The following CRTAC1 variants were observed in gnomAD, a reference collection of about 807,000 sequenced individuals.
CRTAC1 encodes the protein cartilage acidic protein 1.
Under a neutral mutation model 67.8 loss-of-function variants are expected in CRTAC1, and 37 were observed. The observed-to-expected ratio is 0.55, with a 90% CI of 0.42 to 0.72. The LOEUF (loss-of-function observed/expected upper bound fraction) is 0.72, where lower values mean the gene tolerates loss of function less well. CRTAC1 is among the 30% of genes least tolerant of loss of function. The pLI is 0.00. For missense variants in CRTAC1, 780 were observed against 931.6 expected, an observed-to-expected ratio of 0.84 and a Z score of 2.12; for synonymous variants, 348 against 371.0, an observed-to-expected ratio of 0.94 and a Z score of 0.71.
chr10:97,983,987 G>A (rs934755965), intron 2 of CRTAC1, among the ~76,000 whole-genome samples: 1 of 152,248 alleles, frequency 6.6e-6, no homozygotes, highest in African/African-American at 2.4e-5. Context: ...GCTTTAACCA[G>A]AGGTTTGCCA....
intron 2 of CRTAC1, among the ~76,000 whole-genome samples, chr10:98,002,850 TTCACTGCAAGCTCCGC>T (rs1263901776): frequency 7.2e-6 from 1 of 139,660 alleles, no homozygotes; most frequent in Non-Finnish European, 1.5e-5. Flanking sequence ...GCAATCTCCG[TTCACTGCAAGCTCCGC>T]CTCCCGGGTT....
rs780537531 is a variant in CRTAC1 at position 98,011,320 on chromosome 10, C to G, written c.42G>C (p.Pro14=). 3.1e-6 allele frequency: 5 copies of G among 1,613,826 alleles called. No individual in the cohort carries two copies. The African/African-American group carries it at 6.7e-5, about 22-fold the overall frequency. The change falls in exon 2 of 15, where the codon CCG becomes CCC. Residue 14 remains proline, a synonymous_variant. Coordinates refer to ENST00000370597, the MANE Select transcript of CRTAC1 (RefSeq NM_018058.7). ...GCAGAAACCAGAGCAGCAGCAGGAA[C>G]GGTAACATCCTGGACATCTGAAACC... is the stretch of plus-strand genomic sequence containing the variant. The part of the protein sequence containing the change: ...SADPGMSRML[P]FLLLLWFLPI...
chr10:98,030,249 C>G lies in CRTAC1; in HGVS notation c.24+200G>C, dbSNP rs1356627122. Among the ~76,000 whole-genome samples, 1 of 152,150 alleles carries G rather than the reference C, an allele frequency of 6.6e-6. No individual in the cohort carries two copies. The highest frequency in any genetic ancestry group is 1.5e-5 in the Non-Finnish European group (1 of 68,006). On this transcript the variant is annotated intron_variant, in intron 1 of 14. Transcript: ENST00000370597. The surrounding 1 kb of genome is among the most constrained non-coding windows in gnomAD (Gnocchi z 4.2). ...AACCCGGCCGCCGCCTCACCCCCAGCCCGCGGGGGAGGCTCCGCGCGCCAA... is the reference window on the plus strand; with the variant it reads ...AACCCGGCCGCCGCCTCACCCCCAGGCCGCGGGGGAGGCTCCGCGCGCCAA...
intron 2 of CRTAC1, among the ~76,000 whole-genome samples, chr10:97,979,992 C>G (rs1731459020): frequency 6.6e-6 from 1 of 152,204 alleles, no homozygotes; most frequent in Non-Finnish European, 1.5e-5. Context: ...TCAACAAACG[C>G]CCGGGGCCAC....
chr10:97,903,852 G>A (rs890115325), intron 7 of CRTAC1, among the ~76,000 whole-genome samples: 2 of 152,088 alleles, frequency 1.3e-5, no homozygotes, highest in Non-Finnish European at 2.9e-5. Flanking sequence ...CTCAGGGAGG[G>A]GGCACAGAGA....
chr10:97,929,678 C>G (rs567448116), intron 3 of CRTAC1, among the ~76,000 whole-genome samples: 1 of 152,180 alleles, frequency 6.6e-6, no homozygotes, highest in African/African-American at 2.4e-5. Context: ...GCCACCTATT[C>G]GTCAGGTTGT....
chr10:97,905,994 T>C (rs957689068), intron 6 of CRTAC1, among the ~76,000 whole-genome samples: 6 of 152,136 alleles, frequency 3.9e-5, no homozygotes, highest in Non-Finnish European at 7.4e-5. Context: ...GTTGACTCTT[T>C]CAGAGGACAA....
At position 98,030,232 on chromosome 10, in the gene CRTAC1, C is replaced by A. The variant is rs150253337; in HGVS notation, c.24+217G>T. Among the ~76,000 whole-genome samples the A allele has an allele frequency of 2.0e-5, 3 of 150,578 alleles. No individual in the cohort carries two copies. Among genetic ancestry groups the A allele is most frequent in the Non-Finnish European group, 4.4e-5 (3 of 67,576 alleles). ...ACCTCTCCGCCACCTCCAACCCGGC[C>A]GCCGCCTCACCCCCAGCCCGCGGGG... On this transcript the variant is annotated intron_variant, in intron 1 of 14. Transcript: ENST00000370597. This position sits in a 1 kb window ranked among gnomAD's most constrained non-coding sequence, Gnocchi z 4.2.
chr10:98,011,522 A>C (rs1842908568), intron 1 of CRTAC1, among the ~76,000 whole-genome samples, 185 bp from the exon 2 acceptor site: 1 of 151,798 alleles, frequency 6.6e-6, no homozygotes, highest in Non-Finnish European at 1.5e-5. Context: ...CCTCATTGAA[A>C]CTGCAACCTG....
At chr10:97,940,867 A>C (rs939118160) in intron 2 of CRTAC1, among the ~76,000 whole-genome samples, 6 of 152,190 alleles carry the variant, frequency 3.9e-5, no homozygotes, top group African/African-American at 1.4e-4. Flanking sequence ...ATTTAGAAAA[A>C]CAACAAACCC....
chr10:98,009,197 C>G (rs1842858504), intron 2 of CRTAC1, among the ~76,000 whole-genome samples: 1 of 152,208 alleles, frequency 6.6e-6, no homozygotes, highest in Non-Finnish European at 1.5e-5. Context: ...CTGTCCAATT[C>G]AAATGTGGCT....
At chr10:98,004,545 A>T (rs1399193997) in intron 2 of CRTAC1, among the ~76,000 whole-genome samples, 1 of 152,168 alleles carries the variant, frequency 6.6e-6, no homozygotes, top group African/African-American at 2.4e-5. Flanking sequence ...CATATCCCTG[A>T]CCCTGCAGTT....
chr10:97,879,978 A>C (rs2050191350), intron 14 of CRTAC1, among the ~76,000 whole-genome samples: 2 of 152,174 alleles, frequency 1.3e-5, no homozygotes, highest in South Asian at 4.1e-4. Context: ...GCTGACCTCA[A>C]GGTAGGAACA....
rs764296611 is a variant in CRTAC1 at position 98,011,232 on chromosome 10, G to A, written c.130C>T (p.Pro44Ser). The A allele has an allele frequency of 1.2e-6, 2 of 1,614,086 alleles. No homozygotes were observed. Among genetic ancestry groups the A allele is most frequent in the East Asian group, 4.5e-5 (2 of 44,898 alleles). The change falls in exon 2 of 15, where the codon CCT (proline) becomes TCT (serine). Residue 44 changes from proline to serine, a missense_variant. Transcript: ENST00000370597. ...MFTAVTNSVL[P>S]PDYDSNPTQL... The stretch of plus-strand genomic sequence containing the variant: ...GTGGGATTACTGTCATAGTCAGGAG[G>A]CAGAACTGAGTTGGTGACTGCAGTG...
intron 1 of CRTAC1, among the ~76,000 whole-genome samples, chr10:98,017,306 C>T (rs780858824): frequency 2.0e-5 from 3 of 152,146 alleles, no homozygotes; most frequent in Non-Finnish European, 4.4e-5. Context: ...AGGTGTAACA[C>T]CCCGTGTAAA....
At chr10:97,964,570 C>G (rs76489574) in intron 2 of CRTAC1, among the ~76,000 whole-genome samples, 1,965 of 152,256 alleles carry the variant, frequency 0.013, 47 homozygotes, top group African/African-American at 0.044. Context: ...AAGAAACAAG[C>G]TTGAGTGTGA....
intron 14 of CRTAC1, chr10:97,871,592 T>C (rs2050093913): frequency 6.6e-6 from 1 of 152,238 alleles, no homozygotes; most frequent in South Asian, 2.1e-4. Flanking sequence ...TATTATTCCA[T>C]TTAATTCTCG....
At chr10:97,905,175 G>A (rs1192054053) in intron 6 of CRTAC1, among the ~76,000 whole-genome samples, 1 of 152,230 alleles carries the variant, frequency 6.6e-6, no homozygotes. Context: ...ACATTAAGCT[G>A]ATCATGCCAC....
chr10:97,999,300 C>T (rs1842643900), intron 2 of CRTAC1, among the ~76,000 whole-genome samples: 1 of 152,252 alleles, frequency 6.6e-6, no homozygotes. Context: ...GGGAAGGCCC[C>T]CTTGCCCTCA....
Sources: gnomAD v4.1 joint callset for allele counts (sites outside exome capture counted in the v4.1 genomes callset) on GRCh38, gnomAD v4.1.1 for gene constraint, Gnocchi (gnomAD v3.1) non-coding constraint, MANE v1.5 for transcripts, NCBI Gene and HGNC (gene_info 2026-07-23, HGNC 2026-07-21) for gene names.